The following PLB1 variants were observed in gnomAD, a reference collection of about 807,000 sequenced individuals.
The protein encoded by PLB1 is phospholipase B1, also known as phospholipase B1, membrane-associated.
Under a neutral mutation model 227.4 loss-of-function variants are expected in PLB1, and 242 were observed. The observed-to-expected ratio is 1.06, with a 90% CI of 0.96 to 1.18. The LOEUF (loss-of-function observed/expected upper bound fraction) is 1.18, where lower values mean the gene tolerates loss of function less well. Ranked by LOEUF, PLB1 falls within the 50% of genes most tolerant of loss-of-function variation. The probability of loss-of-function intolerance (pLI) is 0.00; values close to 1 mark genes in which losing one functional copy is unlikely to be tolerated. For missense variants in PLB1, 1,858 were observed against 1,816.3 expected (o/e 1.02, Z -0.42); for synonymous variants, 757 against 682.2 (o/e 1.11, Z -1.71).
intron 44 of PLB1, among the ~76,000 whole-genome samples, chr2:28,617,426 G>T (rs1686345170): frequency 6.6e-6 from 1 of 152,082 alleles, no homozygotes; most frequent in Admixed American, 6.5e-5. Flanking sequence ...CCCTGCTTTG[G>T]GGCAGCCACT....
At chr2:28,528,964 T>C (rs1670644039) in intron 6 of PLB1, among the ~76,000 whole-genome samples, 1 of 145,042 alleles carries the variant, frequency 6.9e-6, no homozygotes, top group South Asian at 2.2e-4. Flanking sequence ...TTTTTTTTTT[T>C]TGAAATAGGG....
chr2:28,557,745 C>T (rs1157148060), intron 17 of PLB1, among the ~76,000 whole-genome samples: 2 of 152,204 alleles, frequency 1.3e-5, no homozygotes, highest in East Asian at 1.9e-4. Context: ...TTTAGCTAAT[C>T]AGCCCACACA....
At position 28,626,351 on chromosome 2, in the gene PLB1, C is replaced by G; in HGVS notation, c.3580-77C>G. The G allele has an allele frequency of 2.5e-6, 3 of 1,219,598 alleles. No homozygotes were observed. The East Asian group carries it at 7.0e-5, about 28-fold the overall frequency. The allele number at this position is 1,219,598 out of a possible 1,614,324, so 75.5% of individuals were successfully genotyped here. ...AATAAGACAAAAGGCACTTGGAGGG[C>G]GGGCGGGCTGGCCCAGTAGCAACAT... On this transcript the variant is annotated intron_variant, in intron 50 of 57. Coordinates refer to ENST00000327757, the MANE Select transcript of PLB1 (RefSeq NM_153021.5).
intron 20 of PLB1, among the ~76,000 whole-genome samples, chr2:28,569,740 C>A (rs7561026): frequency 6.6e-6 from 1 of 151,660 alleles, no homozygotes; most frequent in Non-Finnish European, 1.5e-5. Context: ...CCGAGGCAGG[C>A]GGATCACGAG....
At chr2:28,537,516 C>A (rs1179677498) in intron 9 of PLB1, among the ~76,000 whole-genome samples, 2 of 151,820 alleles carry the variant, frequency 1.3e-5, no homozygotes, top group Non-Finnish European at 2.9e-5. Flanking sequence ...CATGGTGAAA[C>A]CCTGTCTCTA....
At chr2:28,561,196 T>G (rs964500499) in intron 17 of PLB1, among the ~76,000 whole-genome samples, 2 of 152,240 alleles carry the variant, frequency 1.3e-5, no homozygotes, top group African/African-American at 4.8e-5. Flanking sequence ...GCTTGTGAGC[T>G]TTTTGAGGGC....
At chr2:28,505,541 CT>C (rs1667548398) in intron 1 of PLB1, among the ~76,000 whole-genome samples, 1 of 152,134 alleles carries the variant, frequency 6.6e-6, no homozygotes, top group Non-Finnish European at 1.5e-5. Context: ...AACTTGTTGC[CT>C]TGGTAACGTA....
At chr2:28,519,816 C>G in intron 4 of PLB1, 53 bp downstream of exon 4, 1 of 1,438,444 alleles carries the variant, frequency 7.0e-7, no homozygotes. Flanking sequence ...ACTGATGATC[C>G]TCTGAATGGG....
chr2:28,600,985 C>A, intron 36 of PLB1, 125 bp downstream of exon 36: 2 of 893,118 alleles, frequency 2.2e-6, no homozygotes, highest in South Asian at 3.1e-5. Context: ...AAGCAGTGGT[C>A]GGACAGCCCC....
intron 40 of PLB1, 22 bp from the exon 41 acceptor site, chr2:28,604,632 AG>A (rs1402924740): frequency 6.2e-7 from 1 of 1,608,130 alleles, no homozygotes; most frequent in African/African-American, 1.3e-5. Context: ...CCTGGGCTGA[AG>A]ACCCTGTGCA....
intron 9 of PLB1, among the ~76,000 whole-genome samples, chr2:28,536,306 G>A (rs1391061080): frequency 6.6e-6 from 1 of 152,218 alleles, no homozygotes; most frequent in Non-Finnish European, 1.5e-5. Context: ...TAAATGATGA[G>A]CTGGCTCACA....
At chr2:28,597,757 G>A (rs1398695901) in intron 33 of PLB1, among the ~76,000 whole-genome samples, 1 of 152,156 alleles carries the variant, frequency 6.6e-6, no homozygotes, top group Non-Finnish European at 1.5e-5. Flanking sequence ...ACTCAGCTAA[G>A]CATTCTCCCT....
chr2:28,636,400 A>G (rs1339355685), intron 56 of PLB1, among the ~76,000 whole-genome samples: 2 of 152,130 alleles, frequency 1.3e-5, no homozygotes, highest in African/African-American at 2.4e-5. Flanking sequence ...GCCTACAGCC[A>G]CTTTGGAAAA....
At chr2:28,624,163 C>T (rs34996998) in intron 49 of PLB1, among the ~76,000 whole-genome samples, 8,858 of 152,234 alleles carry the variant, frequency 0.058, 352 homozygotes, top group Non-Finnish European at 0.091. Flanking sequence ...AAAATGTGTT[C>T]ATCACCCACA....
intron 9 of PLB1, among the ~76,000 whole-genome samples, chr2:28,534,591 C>T (rs1444894774): frequency 1.3e-5 from 2 of 152,204 alleles, no homozygotes; most frequent in Non-Finnish European, 2.9e-5. Flanking sequence ...CGCGGTGGCT[C>T]ACGCCTGTAA....
At chr2:28,515,224 T>TC (rs1019480640) in intron 1 of PLB1, among the ~76,000 whole-genome samples, 21 of 152,176 alleles carry the variant, frequency 1.4e-4, no homozygotes, top group African/African-American at 5.1e-4. Context: ...TCTATTCCAC[T>TC]CCCCCTGGAG....
chr2:28,628,902 C>T (rs1053703600), intron 52 of PLB1, among the ~76,000 whole-genome samples, 192 bp from the exon 53 acceptor site: 1 of 152,214 alleles, frequency 6.6e-6, no homozygotes, highest in Non-Finnish European at 1.5e-5. Context: ...TTCCCTGTGT[C>T]TCAGTTTCTC....
rs1558678589 is a variant in PLB1 at position 28,529,401 on chromosome 2, G to A, written c.410G>A (p.Gly137Asp). Reference protein sequence around the residue: ...HTGKRVIPHDGAEDLWIQAQE... With the variant: ...HTGKRVIPHDDAEDLWIQAQE... ...GGAAAGAGAGTCATACCCCACGATG[G>A]TGCTGAGTAAGTTCCCTTTCTGTCT... The change falls in exon 7 of 58, where the codon GGT becomes GAT. Residue 137 changes from glycine (G) to aspartate (D), a missense_variant. Gly to Asp is a moderately conservative substitution (Grantham distance 94). Coordinates refer to ENST00000327757, the MANE Select transcript of PLB1 (RefSeq NM_153021.5). 1.3e-6 allele frequency: 2 copies of A among 1,598,046 alleles called. No individual in the cohort carries two copies. The highest frequency in any genetic ancestry group is 2.2e-5 in the South Asian group (2 of 90,726).
intron 46 of PLB1, among the ~76,000 whole-genome samples, chr2:28,619,902 A>C (rs1351894983): frequency 6.6e-6 from 1 of 152,130 alleles, no homozygotes; most frequent in Non-Finnish European, 1.5e-5. Flanking sequence ...ATGAAGAAAG[A>C]GGCATGTGCA....
Sources: gnomAD v4.1 joint callset for allele counts (sites outside exome capture counted in the v4.1 genomes callset) on GRCh38, gnomAD v4.1.1 for gene constraint, MANE v1.5 for transcripts, NCBI Gene and HGNC (gene_info 2026-07-23, HGNC 2026-07-21) for gene names.